Variants in ANKRD17 observed in about 807,000 individuals in gnomAD.
ANKRD17 encodes ankyrin repeat domain-containing protein 17.
ANKRD17 carries 19 observed loss-of-function variants against 229.7 expected under a neutral mutation model. The observed-to-expected ratio is 0.08, with a 90% CI of 0.06 to 0.12. The LOEUF (loss-of-function observed/expected upper bound fraction) is 0.12, where lower values mean the gene tolerates loss of function less well. ANKRD17 is among the 10% of genes least tolerant of loss of function. The pLI, the probability that ANKRD17 is intolerant of heterozygous loss-of-function variation, is 1.00. For missense variants in ANKRD17, 2,176 were observed against 3,176.8 expected (o/e 0.68, Z 7.57); for synonymous variants, 1,112 against 1,146.1 (o/e 0.97, Z 0.60).
chr4:73,105,892 G>A (rs1724552426), intron 24 of ANKRD17, among the ~76,000 whole-genome samples: 1 of 152,180 alleles, frequency 6.6e-6, no homozygotes, highest in Non-Finnish European at 1.5e-5. Context: ...AGAAATTGAA[G>A]ATAAAGGCAT....
At chr4:73,169,783 G>A (rs1733729954) in intron 2 of ANKRD17, among the ~76,000 whole-genome samples, 1 of 152,222 alleles carries the variant, frequency 6.6e-6, no homozygotes, top group Admixed American at 6.5e-5. Context: ...CATAGCAACT[G>A]TGAGCCTTTG....
chr4:73,247,739 C>T (rs2149274281), intron 1 of ANKRD17, among the ~76,000 whole-genome samples: 1 of 151,958 alleles, frequency 6.6e-6, no homozygotes, highest in African/African-American at 2.4e-5. Flanking sequence ...TCTGAAGACT[C>T]ATCTCTTCAA....
chr4:73,074,994 G>C lies in ANKRD17; in HGVS notation c.*1237C>G, dbSNP rs935024062. The C allele has an allele frequency of 3.3e-5, 5 of 152,388 alleles. No homozygotes were observed. The highest frequency in any genetic ancestry group is 9.7e-5 in the African/African-American group (4 of 41,398). The allele number at this position is 152,388 out of a possible 1,614,324, so 9.4% of individuals were successfully genotyped here. A position where few individuals can be genotyped will look rare whatever the true frequency, so the allele number is the denominator to read the frequency against. ...AAATGGAGACTTTACACTGTAATCT[G>C]TGTATTTATCTGTCTACCATAAATT... On this transcript the variant is annotated 3_prime_UTR_variant, in exon 34 of 34. Coordinates refer to ENST00000358602, the MANE Select transcript of ANKRD17 (RefSeq NM_032217.5).
chr4:73,160,820 G>T (rs887937928), intron 3 of ANKRD17, among the ~76,000 whole-genome samples: 4 of 152,014 alleles, frequency 2.6e-5, no homozygotes, highest in Non-Finnish European at 1.5e-5. Flanking sequence ...CTGTAAAATG[G>T]CCTAATTGTA....
chr4:73,198,337 C>A (rs548544218), intron 1 of ANKRD17, among the ~76,000 whole-genome samples: 182 of 152,134 alleles, frequency 1.2e-3, no homozygotes, highest in African/African-American at 4.2e-3. Context: ...TTTAGTTTCT[C>A]AACGAAAATG....
intron 3 of ANKRD17, among the ~76,000 whole-genome samples, chr4:73,156,676 C>CCT (rs1248070973): frequency 6.6e-6 from 1 of 151,762 alleles, no homozygotes; most frequent in Non-Finnish European, 1.5e-5. Flanking sequence ...GCTTGCTTCC[C>CCT]CTCTCTCTCT....
Position 73,092,063 on chromosome 4 carries a change from A to G in ANKRD17, c.5565T>C (p.Pro1855=). The change falls in exon 29 of 34, where the codon CCT becomes CCC. Residue 1855 remains proline (P), a synonymous_variant. Transcript: ENST00000358602. ...TSQTATALTV[P]AISSASTHKT... Reference sequence around the variant, plus strand: ...TGTGAGTGGATGCAGAAGAAATTGCAGGCACAGTGAGTGCTGTGGCAGTTT... The same window carrying G: ...TGTGAGTGGATGCAGAAGAAATTGCGGGCACAGTGAGTGCTGTGGCAGTTT... 6.2e-7 allele frequency: 1 copy of G among 1,614,232 alleles called. No individual in the cohort carries two copies. The highest frequency in any genetic ancestry group is 1.1e-5 in the South Asian group (1 of 91,088).
At chr4:73,161,816 G>A (rs547003777) in intron 2 of ANKRD17, among the ~76,000 whole-genome samples, 1 of 152,274 alleles carries the variant, frequency 6.6e-6, no homozygotes, top group East Asian at 1.9e-4. Flanking sequence ...GACGCCAGTA[G>A]TGCCAGAAGC....
chr4:73,176,457 C>A (rs372449624), intron 2 of ANKRD17, among the ~76,000 whole-genome samples: 2 of 151,782 alleles, frequency 1.3e-5, no homozygotes, highest in East Asian at 1.9e-4. Context: ...AGGTGTACAC[C>A]CAAAAGAAAG....
At chr4:73,092,412 A>G (rs1206968102) in intron 28 of ANKRD17, 112 bp from the exon 29 acceptor site, 2 of 780,736 alleles carry the variant, frequency 2.6e-6, no homozygotes, top group African/African-American at 1.8e-5. Flanking sequence ...GTGTGTATAT[A>G]CATACACACA....
intron 1 of ANKRD17, among the ~76,000 whole-genome samples, chr4:73,193,375 A>G (rs943056332): frequency 2.0e-5 from 3 of 152,218 alleles, no homozygotes; most frequent in South Asian, 2.1e-4. Flanking sequence ...AAATACGTAC[A>G]TAAGAGGAGG....
chr4:73,249,595 G>A (rs548638032), intron 1 of ANKRD17, among the ~76,000 whole-genome samples: 1 of 152,326 alleles, frequency 6.6e-6, no homozygotes, highest in Admixed American at 6.5e-5. Context: ...TGTGGCTCAC[G>A]CCTATAATCC....
intron 1 of ANKRD17, among the ~76,000 whole-genome samples, chr4:73,225,156 G>C (rs1336224329): frequency 6.6e-6 from 1 of 152,128 alleles, no homozygotes; most frequent in Non-Finnish European, 1.5e-5. Context: ...CTGCCTCCCA[G>C]GTCAATTCTT....
At chr4:73,100,028 TC>T (rs1232240423) in intron 25 of ANKRD17, among the ~76,000 whole-genome samples, 1 of 152,108 alleles carries the variant, frequency 6.6e-6, no homozygotes, top group Non-Finnish European at 1.5e-5. Flanking sequence ...CCCTGCCTGC[TC>T]CCAACCCTCC....
chr4:73,150,323 C>T (rs920491403), intron 7 of ANKRD17, among the ~76,000 whole-genome samples: 10 of 151,914 alleles, frequency 6.6e-5, no homozygotes, highest in African/African-American at 1.9e-4. Flanking sequence ...ACAGATTATT[C>T]CATTTTAATT....
intron 29 of ANKRD17, among the ~76,000 whole-genome samples, chr4:73,087,832 T>C (rs868683369): frequency 1.1e-4 from 17 of 149,390 alleles, no homozygotes; most frequent in African/African-American, 4.2e-4. Context: ...TGACAAAAGA[T>C]GGGGAAGAAA....
At chr4:73,136,164 T>G (rs933506024) in intron 15 of ANKRD17, among the ~76,000 whole-genome samples, 1 of 152,118 alleles carries the variant, frequency 6.6e-6, no homozygotes, top group Non-Finnish European at 1.5e-5. Context: ...CTCATTGCCT[T>G]ATTTCTGGAG....
intron 1 of ANKRD17, among the ~76,000 whole-genome samples, chr4:73,238,481 A>G (rs1421407955): frequency 1.3e-5 from 2 of 152,180 alleles, no homozygotes; most frequent in Admixed American, 6.5e-5. Flanking sequence ...TCCCAAGATT[A>G]ATCCATGAAT....
chr4:73,207,797 A>G (rs776326327), intron 1 of ANKRD17, among the ~76,000 whole-genome samples: 7 of 152,254 alleles, frequency 4.6e-5, no homozygotes, highest in Non-Finnish European at 8.8e-5. Flanking sequence ...CAAATCGGAA[A>G]GGAAGAATGG....
Sources: gnomAD v4.1 joint callset for allele counts (sites outside exome capture counted in the v4.1 genomes callset) on GRCh38, gnomAD v4.1.1 for gene constraint, MANE v1.5 for transcripts, NCBI Gene and HGNC (gene_info 2026-07-23, HGNC 2026-07-21) for gene names.